The following KLHL13 variants were observed in gnomAD, a reference collection of about 807,000 sequenced individuals.
The protein encoded by KLHL13 is kelch like family member 13, also known as kelch-like protein 13.
Under a neutral mutation model 37.1 loss-of-function variants are expected in KLHL13, and 10 were observed. The ratio of observed to expected loss-of-function variants is 0.27; its 90% CI spans 0.17 to 0.46. The LOEUF (loss-of-function observed/expected upper bound fraction) is 0.46, where lower values mean the gene tolerates loss of function less well. Among genes scored for constraint, KLHL13 ranks in the 20% least tolerant of loss-of-function variants. The pLI, the probability that KLHL13 is intolerant of heterozygous loss-of-function variation, is 1.00. For synonymous variants in KLHL13, 163 were observed against 181.2 expected, an observed-to-expected ratio of 0.90 and a Z score of 0.81; for missense variants, 360 against 509.3, an observed-to-expected ratio of 0.71 and a Z score of 2.82.
chrX:118,096,391 T>A lies in KLHL13; in HGVS notation c.-56+20117A>T, dbSNP rs1279556172. Among the ~76,000 whole-genome samples the A allele has an allele frequency of 3.6e-5, 4 of 111,623 alleles. No homozygotes were observed. In the East Asian group the frequency reaches 1.1e-3, roughly 31 times the overall value. ...ACGACTAAACCAGGAAGAAGTTGAA[T>A]CTCTGAATAGACCAATAACAGGCTC... On this transcript the variant is annotated intron_variant, in intron 1 of 6. Coordinates refer to the KLHL13 transcript ENST00000371882.
rs181146731 is a variant in KLHL13 at position 118,110,548 on chromosome X, T to C, written c.-56+5960A>G. 7.7e-4 allele frequency among the ~76,000 whole-genome samples: 84 copies of C among 109,420 alleles called. 1 individual carries two copies. The highest frequency in any genetic ancestry group is 7.6e-3 in the Admixed American group (78 of 10,233). On this transcript the variant is annotated intron_variant, in intron 1 of 6. Coordinates refer to the KLHL13 transcript ENST00000371882. The stretch of plus-strand genomic sequence containing the variant: ...CACATGTCACCACGCCCAGCTCATT[T>C]TTGTATTTTTAGTAGAGACAGGGTT...
chrX:118,069,147 A>ACACACACACACACC (rs1382307402), intron 1 of KLHL13, among the ~76,000 whole-genome samples: 7 of 105,600 alleles, frequency 6.6e-5, no homozygotes, highest in Admixed American at 3.1e-4. Flanking sequence ...ACACACACAC[A>ACACACACACACACC]CCCTCACCTG....
intron 1 of KLHL13, among the ~76,000 whole-genome samples, chrX:118,102,969 T>C (rs2055306809): frequency 1.8e-5 from 2 of 112,304 alleles, no homozygotes; most frequent in African/African-American, 3.2e-5. Flanking sequence ...TACTTTCTCA[T>C]TCAGCATGAC....
At chrX:117,966,006 G>A (rs1258955259) in intron 1 of KLHL13, among the ~76,000 whole-genome samples, 1 of 111,775 alleles carries the variant, frequency 8.9e-6, no homozygotes, top group African/African-American at 3.2e-5. Flanking sequence ...AGACAGGGAT[G>A]CCCTCTCTCA....
chrX:117,898,485 T>G (rs1929872362), exon 7 of KLHL13: 2 of 115,435 alleles, frequency 1.7e-5, no homozygotes, highest in Admixed American at 9.2e-5. Context: ...CCCTTTGACA[T>G]CTTACAGTCA....
intron 1 of KLHL13, among the ~76,000 whole-genome samples, chrX:118,087,612 CCTTTT>C (rs1463520094): frequency 9.0e-6 from 1 of 111,176 alleles, no homozygotes; most frequent in Admixed American, 9.6e-5. Flanking sequence ...TGACTTCTTT[CCTTTT>C]ATGTATGCAT....
chrX:118,103,828 C>T (rs2055315323), intron 1 of KLHL13, among the ~76,000 whole-genome samples: 1 of 109,072 alleles, frequency 9.2e-6, no homozygotes, highest in Non-Finnish European at 1.9e-5. Flanking sequence ...TTTTTTGAAC[C>T]CTAAATAGCT....
chrX:118,086,007 G>A (rs1476506009), intron 1 of KLHL13, among the ~76,000 whole-genome samples: 6 of 109,909 alleles, frequency 5.5e-5, no homozygotes, highest in South Asian at 4.0e-4. Context: ...GCACAATCTC[G>A]GCTCACTGCA....
intron 1 of KLHL13, among the ~76,000 whole-genome samples, chrX:118,070,705 T>C (rs2054849645): frequency 9.1e-6 from 1 of 110,001 alleles, no homozygotes; most frequent in Admixed American, 9.7e-5. Flanking sequence ...TCCACTCCAA[T>C]TGGTAGATTT....
chrX:117,942,148 G>A (rs139326472), intron 2 of KLHL13, among the ~76,000 whole-genome samples: 1,526 of 111,762 alleles, frequency 0.014, 26 homozygotes, highest in African/African-American at 0.047. Flanking sequence ...GGTTTTGAGT[G>A]AGTTTCTTAA....
intron 2 of KLHL13, among the ~76,000 whole-genome samples, chrX:117,929,717 G>A (rs778863956): frequency 4.8e-4 from 48 of 99,556 alleles, no homozygotes; most frequent in Non-Finnish European, 8.5e-4. Flanking sequence ...TGAGGCAGGA[G>A]GATTGCTTGA....
intron 1 of KLHL13, among the ~76,000 whole-genome samples, chrX:117,967,896 T>G (rs1057118875): frequency 9.0e-6 from 1 of 111,519 alleles, no homozygotes; most frequent in East Asian, 2.9e-4. Context: ...AAAAGGCAAT[T>G]TGCAAACTGT....
intron 1 of KLHL13, among the ~76,000 whole-genome samples, chrX:118,050,282 G>C (rs1023196666): frequency 8.9e-6 from 1 of 111,825 alleles, no homozygotes; most frequent in African/African-American, 3.3e-5. Context: ...TTGGCTCATG[G>C]TATCATCTGA....
intron 1 of KLHL13, among the ~76,000 whole-genome samples, chrX:117,966,641 G>C (rs764448600): frequency 9.0e-6 from 1 of 110,687 alleles, no homozygotes; most frequent in East Asian, 2.8e-4. Context: ...GAGGCATCAC[G>C]CTACCTGACT....
intron 1 of KLHL13, among the ~76,000 whole-genome samples, chrX:117,954,883 A>G (rs1824735534): frequency 8.9e-6 from 1 of 111,945 alleles, no homozygotes; most frequent in South Asian, 3.7e-4. Flanking sequence ...TTTAATCCAA[A>G]AATGAAGAAA....
exon 1 of KLHL13, chrX:118,116,783 G>C (rs1027137319): frequency 9.6e-6 from 1 of 104,508 alleles, no homozygotes; most frequent in Admixed American, 1.0e-4. Flanking sequence ...CGCAGCGGCA[G>C]AGCCTCCGCC....
At chrX:118,087,168 T>A (rs1442247240) in intron 1 of KLHL13, among the ~76,000 whole-genome samples, 1 of 110,736 alleles carries the variant, frequency 9.0e-6, no homozygotes, top group Non-Finnish European at 1.9e-5. Flanking sequence ...ACTTTACAGA[T>A]CAAATGGGTC....
chrX:117,947,081 A>G (rs1933359245), intron 1 of KLHL13: 2 of 112,170 alleles, frequency 1.8e-5, no homozygotes, highest in Non-Finnish European at 3.8e-5. Context: ...GCCTTCCACC[A>G]GAGTTTCAGA....
At chrX:117,969,137 C>T (rs992958461) in intron 1 of KLHL13, among the ~76,000 whole-genome samples, 10 of 111,728 alleles carry the variant, frequency 9.0e-5, no homozygotes, top group African/African-American at 2.9e-4. Flanking sequence ...CTAAGGAAAA[C>T]AACTCACAGG....
Sources: gnomAD v4.1 joint callset for allele counts (sites outside exome capture counted in the v4.1 genomes callset) on GRCh38, gnomAD v4.1.1 for gene constraint, MANE v1.5 for transcripts, NCBI Gene and HGNC (gene_info 2026-07-23, HGNC 2026-07-21) for gene names.